The following GNAQ variants were observed in gnomAD, a reference collection of about 807,000 sequenced individuals.
The protein encoded by GNAQ is G protein subunit alpha q.
GNAQ carries 8 observed loss-of-function variants against 43.9 expected under a neutral mutation model. The ratio of observed to expected loss-of-function variants is 0.18; its 90% CI spans 0.11 to 0.33. The LOEUF is 0.33. Ranked by LOEUF, GNAQ falls within the 10% of genes least tolerant of loss-of-function variation. GNAQ has a pLI of 1.00. For synonymous variants in GNAQ, 155 were observed against 170.7 expected (o/e 0.91, Z 0.71); for missense variants, 158 against 450.8 (o/e 0.35, Z 5.88).
rs371770825 is a variant in GNAQ at position 77,889,230 on chromosome 9, T to C, written c.321+32931A>G. On this transcript the variant is annotated intron_variant, in intron 2 of 6. Coordinates refer to ENST00000286548, the MANE Select transcript of GNAQ (RefSeq NM_002072.5). ...AGGAATTAGACCAGCCTAAGCAACATGGCAAAATCCCATCTTTTAAAAAAA... is the reference window on the plus strand; with the variant it reads ...AGGAATTAGACCAGCCTAAGCAACACGGCAAAATCCCATCTTTTAAAAAAA... 4.6e-4 allele frequency among the ~76,000 whole-genome samples: 69 copies of C among 151,244 alleles called. 1 individual carries two copies. The South Asian group carries it at 0.014, about 30-fold the overall frequency.
intron 1 of GNAQ, among the ~76,000 whole-genome samples, chr9:77,982,913 G>A (rs1333677435): frequency 4.6e-5 from 7 of 152,034 alleles, no homozygotes; most frequent in Middle Eastern, 3.4e-3. Context: ...AAAAATGCAC[G>A]TTGTGCACAT....
At chr9:77,919,197 G>A (rs961698758) in intron 2 of GNAQ, among the ~76,000 whole-genome samples, 1 of 152,156 alleles carries the variant, frequency 6.6e-6, no homozygotes, top group Non-Finnish European at 1.5e-5. Context: ...TAGGATTACA[G>A]GTATGAGTCA....
intron 1 of GNAQ, among the ~76,000 whole-genome samples, chr9:77,986,249 C>T (rs1485730756): frequency 6.6e-6 from 1 of 152,216 alleles, no homozygotes; most frequent in Non-Finnish European, 1.5e-5. Flanking sequence ...CTAAGCAACA[C>T]TATTAGCCTA....
chr9:77,838,616 C>A, intron 2 of GNAQ, among the ~76,000 whole-genome samples: 1 of 151,968 alleles, frequency 6.6e-6, no homozygotes, highest in East Asian at 1.9e-4. Context: ...TGGGGTTTCA[C>A]CATGTTAGCT....
At chr9:77,968,038 T>C (rs762273605) in intron 1 of GNAQ, among the ~76,000 whole-genome samples, 4 of 152,186 alleles carry the variant, frequency 2.6e-5, no homozygotes, top group Admixed American at 6.5e-5. Context: ...TTTGGGATGA[T>C]AGGAATATTC....
chr9:77,930,433 C>T (rs1421772277), intron 1 of GNAQ, among the ~76,000 whole-genome samples: 1 of 152,032 alleles, frequency 6.6e-6, no homozygotes, highest in Non-Finnish European at 1.5e-5. Context: ...CAAATATTTC[C>T]CCAATTTGTC....
chr9:77,941,957 TATAG>T (rs1489948455), intron 1 of GNAQ, among the ~76,000 whole-genome samples: 1 of 148,046 alleles, frequency 6.8e-6, no homozygotes. Context: ...CAGAGTATTA[TATAG>T]AAAGAGGTAG....
intron 5 of GNAQ, among the ~76,000 whole-genome samples, chr9:77,778,323 G>A (rs1826337211): frequency 6.6e-6 from 1 of 151,834 alleles, no homozygotes; most frequent in East Asian, 1.9e-4. Flanking sequence ...GTTATTACAA[G>A]GTACTTGTGC....
chr9:77,904,894 A>G (rs1022438170), intron 2 of GNAQ, among the ~76,000 whole-genome samples: 1 of 152,198 alleles, frequency 6.6e-6, no homozygotes, highest in East Asian at 1.9e-4. Flanking sequence ...AAACACACAC[A>G]CACAGAGGAA....
At chr9:77,741,397 G>C (rs1012431256) in intron 5 of GNAQ, among the ~76,000 whole-genome samples, 3 of 152,290 alleles carry the variant, frequency 2.0e-5, no homozygotes, top group East Asian at 3.9e-4. Flanking sequence ...AAAAGCAAAA[G>C]TAAGGTCTCC....
intron 1 of GNAQ, among the ~76,000 whole-genome samples, chr9:77,942,728 T>C (rs1254662564): frequency 2.0e-5 from 3 of 152,212 alleles, no homozygotes; most frequent in Non-Finnish European, 4.4e-5. Flanking sequence ...TTATCTCAAC[T>C]GCACCCCTTC....
chr9:77,792,252 T>A (rs1024426178), intron 5 of GNAQ, among the ~76,000 whole-genome samples: 15 of 152,152 alleles, frequency 9.9e-5, no homozygotes, highest in African/African-American at 3.4e-4. Flanking sequence ...TTTCAAAAGA[T>A]TCACAAGTGA....
At position 78,031,375 on chromosome 9, in the gene GNAQ, G is replaced by A. The variant is rs1033078473; in HGVS notation, c.-140C>T. On this transcript the variant is annotated 5_prime_UTR_variant, in exon 1 of 7. Coordinates refer to ENST00000286548, the MANE Select transcript of GNAQ (RefSeq NM_002072.5). Reference sequence around the variant, plus strand: ...CGGGCGCGCGTCCGGGACGAGCTCCGGGAACCGCCGCGGGGGCGGCGGCCA... The same window carrying A: ...CGGGCGCGCGTCCGGGACGAGCTCCAGGAACCGCCGCGGGGGCGGCGGCCA... 5.2e-5 allele frequency: 25 copies of A among 483,520 alleles called. No homozygotes were observed. Among genetic ancestry groups the A allele is most frequent in the East Asian group, 3.5e-4 (7 of 20,034 alleles). The allele number at this position is 483,520 out of a possible 1,614,324, so 30.0% of individuals were successfully genotyped here.
chr9:77,786,612 T>C (rs574338867), intron 5 of GNAQ, among the ~76,000 whole-genome samples: 1 of 152,252 alleles, frequency 6.6e-6, no homozygotes, highest in East Asian at 1.9e-4. Context: ...CAGGAAGATA[T>C]GCCTGAGTAA....
At position 77,722,217 on chromosome 9, in the gene GNAQ, A is replaced by T. The variant is rs1422380865; in HGVS notation, c.890-704T>A. Among the ~76,000 whole-genome samples, 8 of 151,822 alleles carry T rather than the reference A, an allele frequency of 5.3e-5. No homozygotes were observed. The East Asian group carries it at 1.5e-3, about 29-fold the overall frequency. ...AGTGATAAGATCTCAGCTCACTGCA[A>T]CCTCTGCCTCCCAGGTTCAAGCGAT... On this transcript the variant is annotated intron_variant, in intron 6 of 6. Transcript: ENST00000286548.
intron 2 of GNAQ, among the ~76,000 whole-genome samples, chr9:77,847,359 A>C (rs2117909181): frequency 6.6e-6 from 1 of 152,344 alleles, no homozygotes; most frequent in Admixed American, 6.5e-5. Flanking sequence ...CCTTTTCAGC[A>C]CTGCTATTCA....
At chr9:77,817,237 C>T (rs1827033051) in intron 2 of GNAQ, among the ~76,000 whole-genome samples, 1 of 152,226 alleles carries the variant, frequency 6.6e-6, no homozygotes, top group African/African-American at 2.4e-5. Flanking sequence ...TGAATCCCCA[C>T]TGCTGTGCTC....
intron 2 of GNAQ, among the ~76,000 whole-genome samples, chr9:77,822,122 T>C (rs1490548060): frequency 1.3e-5 from 2 of 152,128 alleles, no homozygotes; most frequent in Non-Finnish European, 2.9e-5. Flanking sequence ...CCTAGAAAGG[T>C]GCTATAAATC....
intron 5 of GNAQ, among the ~76,000 whole-genome samples, chr9:77,737,299 T>C (rs1825589175): frequency 6.6e-6 from 1 of 152,244 alleles, no homozygotes; most frequent in South Asian, 2.1e-4. Flanking sequence ...ACTGCTCTAT[T>C]GCACTGCAAA....
Sources: allele counts gnomAD v4.1 joint callset (sites outside exome capture counted in the v4.1 genomes callset), GRCh38; gene constraint gnomAD v4.1.1; transcripts MANE v1.5; gene names NCBI Gene and HGNC (gene_info 2026-07-23, HGNC 2026-07-21).